UST: variants seen among roughly 807,000 people sequenced by gnomAD.
UST encodes chondroitin sulfate 2-O-sulfotransferase.
UST carries 21 observed loss-of-function variants against 45.6 expected under a neutral mutation model. That is an observed-to-expected ratio of 0.46 (90% CI 0.33 to 0.66). The LOEUF is 0.66. UST is among the 30% of genes least tolerant of loss of function. UST has a pLI of 0.02. For synonymous variants in UST, 215 were observed against 200.6 expected (o/e 1.07, Z -0.61); for missense variants, 463 against 512.4 (o/e 0.90, Z 0.93).
At chr6:148,755,914 T>C (rs1776086897) in intron 1 of UST, among the ~76,000 whole-genome samples, 1 of 152,224 alleles carries the variant, frequency 6.6e-6, no homozygotes, top group African/African-American at 2.4e-5. Flanking sequence ...CGTGCAGGTT[T>C]GTTACATACG....
chr6:148,980,126 G>A (rs1457306788), intron 5 of UST, among the ~76,000 whole-genome samples: 1 of 152,132 alleles, frequency 6.6e-6, no homozygotes, highest in African/African-American at 2.4e-5. Flanking sequence ...TGTACGGTCA[G>A]TTTCGTACAT....
At chr6:148,776,840 C>T (rs567285357) in intron 1 of UST, among the ~76,000 whole-genome samples, 15 of 152,232 alleles carry the variant, frequency 9.9e-5, no homozygotes, top group Non-Finnish European at 1.3e-4. Context: ...CCTCTGGATC[C>T]GTCATGATGG....
intron 1 of UST, among the ~76,000 whole-genome samples, chr6:148,813,931 C>A (rs1005291175): frequency 1.3e-5 from 2 of 151,934 alleles, no homozygotes; most frequent in African/African-American, 4.8e-5. Context: ...GAGTCCACAC[C>A]CCCCCTTTGC....
intron 7 of UST, among the ~76,000 whole-genome samples, chr6:149,052,447 A>G (rs1776501427): frequency 1.3e-5 from 2 of 152,198 alleles, no homozygotes; most frequent in South Asian, 4.1e-4. Context: ...TATTATGTCC[A>G]TTGTACAGAT....
chr6:148,905,600 G>C (rs1779341594), intron 2 of UST, among the ~76,000 whole-genome samples: 1 of 152,224 alleles, frequency 6.6e-6, no homozygotes, highest in African/African-American at 2.4e-5. Context: ...TGTACTAGCT[G>C]TGTGGGACAT....
rs1055848582 is a variant in UST at position 148,934,815 on chromosome 6, G to A, written c.292-6464G>A. Among the ~76,000 whole-genome samples, 7 of 151,158 alleles carry A rather than the reference G, an allele frequency of 4.6e-5. No homozygotes were observed. The highest frequency in any genetic ancestry group is 1.3e-4 in the Admixed American group (2 of 15,242). ...CTCATCCTAGACTGTGATTCAGTTC[G>A]TCTTAGAGTGTGGCCCAGAAATCTG... On this transcript the variant is annotated intron_variant, in intron 2 of 7. Coordinates refer to ENST00000367463, the MANE Select transcript of UST (RefSeq NM_005715.3). The surrounding 1 kb of genome is among the most constrained non-coding windows in gnomAD (Gnocchi z 4.1).
At chr6:148,754,903 C>T (rs1232396600) in intron 1 of UST, among the ~76,000 whole-genome samples, 3 of 152,046 alleles carry the variant, frequency 2.0e-5, no homozygotes, top group South Asian at 2.1e-4. Flanking sequence ...CTAAAGAATC[C>T]TGGGGGTCTT....
At chr6:148,871,001 C>T (rs1225506738) in intron 1 of UST, among the ~76,000 whole-genome samples, 1 of 152,080 alleles carries the variant, frequency 6.6e-6, no homozygotes, top group Non-Finnish European at 1.5e-5. Flanking sequence ...CCCTAACCCC[C>T]AGTGTGATGA....
At chr6:149,006,914 A>G (rs1272568329) in intron 5 of UST, among the ~76,000 whole-genome samples, 1 of 152,086 alleles carries the variant, frequency 6.6e-6, no homozygotes, top group Non-Finnish European at 1.5e-5. Flanking sequence ...CTGTCTTGGT[A>G]TGTTATGCTC....
intron 5 of UST, among the ~76,000 whole-genome samples, chr6:148,995,083 G>A (rs943301853): frequency 1.3e-5 from 2 of 152,130 alleles, no homozygotes; most frequent in African/African-American, 4.8e-5. Flanking sequence ...GGAGTGCAGT[G>A]GGGCGATCTC....
intron 1 of UST, among the ~76,000 whole-genome samples, chr6:148,819,460 G>A (rs914293006): frequency 4.6e-5 from 7 of 152,112 alleles, no homozygotes; most frequent in South Asian, 2.1e-4. Context: ...GAATCGGACT[G>A]GAAAATCTAT....
chr6:149,041,442 T>C (rs1031898989), intron 7 of UST, among the ~76,000 whole-genome samples: 3 of 152,248 alleles, frequency 2.0e-5, no homozygotes, highest in African/African-American at 7.2e-5. Context: ...TTGAGGTTCA[T>C]AGCCAAGGAA....
intron 2 of UST, among the ~76,000 whole-genome samples, chr6:148,940,357 C>T (rs914409751): frequency 5.3e-5 from 8 of 151,580 alleles, no homozygotes; most frequent in African/African-American, 1.5e-4. Context: ...ATTAGCCAGT[C>T]GTGGTGTGTG....
At chr6:148,802,775 A>G (rs1777076927) in intron 1 of UST, among the ~76,000 whole-genome samples, 1 of 152,168 alleles carries the variant, frequency 6.6e-6, no homozygotes, top group African/African-American at 2.4e-5. Context: ...ATATCCCTTC[A>G]CCCAAATAGG....
At chr6:148,897,742 C>T (rs922862604) in intron 2 of UST, among the ~76,000 whole-genome samples, 15 of 151,512 alleles carry the variant, frequency 9.9e-5, no homozygotes, top group East Asian at 5.8e-4. Flanking sequence ...CCTTCTGCCT[C>T]GGCCTCCCAA....
At chr6:148,845,684 C>G (rs183143074) in intron 1 of UST, among the ~76,000 whole-genome samples, 1 of 152,194 alleles carries the variant, frequency 6.6e-6, no homozygotes, top group Admixed American at 6.5e-5. Context: ...ACATGTTTAA[C>G]TTTATAAGCA....
intron 2 of UST, among the ~76,000 whole-genome samples, chr6:148,895,609 T>C (rs1779112346): frequency 6.6e-6 from 1 of 152,196 alleles, no homozygotes; most frequent in African/African-American, 2.4e-5. Context: ...CAGTGGGAGA[T>C]AATCATGGGG....
At chr6:148,902,111 C>T (rs936479558) in intron 2 of UST, among the ~76,000 whole-genome samples, 1 of 152,044 alleles carries the variant, frequency 6.6e-6, no homozygotes, top group African/African-American at 2.4e-5. Context: ...TCTTATTCTT[C>T]GTGTTCTAAA....
intron 5 of UST, among the ~76,000 whole-genome samples, chr6:148,973,546 T>C (rs1164479413): frequency 6.6e-6 from 1 of 152,258 alleles, no homozygotes. Flanking sequence ...GTCAGAGGTC[T>C]TGCTATTGAA....
Sources: allele counts gnomAD v4.1 joint callset (sites outside exome capture counted in the v4.1 genomes callset), GRCh38; gene constraint gnomAD v4.1.1; non-coding constraint Gnocchi (gnomAD v3.1); transcripts MANE v1.5; gene names NCBI Gene and HGNC (gene_info 2026-07-23, HGNC 2026-07-21).